The following FTO variants were observed in gnomAD, a reference collection of about 807,000 sequenced individuals.
FTO encodes the protein FTO alpha-ketoglutarate dependent dioxygenase.
A neutral mutation model predicts 63.9 loss-of-function variants in FTO; 47 were observed. That is an observed-to-expected ratio of 0.74 (90% confidence interval 0.58 to 0.94). The LOEUF (loss-of-function observed/expected upper bound fraction) is 0.94, where lower values mean the gene tolerates loss of function less well. FTO is among the 40% of genes least tolerant of loss of function. The pLI is 0.00. For missense variants in FTO, 562 were observed against 618.1 expected (o/e 0.91, Z 0.96); for synonymous variants, 207 against 224.4 (o/e 0.92, Z 0.69).
chr16:53,876,511 G>C (rs1015210254), intron 5 of FTO, among the ~76,000 whole-genome samples: 1 of 152,180 alleles, frequency 6.6e-6, no homozygotes, highest in African/African-American at 2.4e-5. Context: ...CATGGAATGG[G>C]AGAAAATATC....
At chr16:54,049,220 C>G (rs2085257582) in intron 8 of FTO, among the ~76,000 whole-genome samples, 1 of 152,224 alleles carries the variant, frequency 6.6e-6, no homozygotes, top group African/African-American at 2.4e-5. Flanking sequence ...CTTAATTACG[C>G]ACTTAACTCA....
At chr16:53,902,372 GCCAGATAATATAGAACC>G (rs2081425132) in intron 7 of FTO, among the ~76,000 whole-genome samples, 1 of 152,120 alleles carries the variant, frequency 6.6e-6, no homozygotes, top group African/African-American at 2.4e-5. Flanking sequence ...AGGGCATAGA[GCCAGATAATATAGAACC>G]CCAGATTTCC....
At chr16:53,773,437 A>T (rs2077388526) in intron 1 of FTO, among the ~76,000 whole-genome samples, 1 of 152,114 alleles carries the variant, frequency 6.6e-6, no homozygotes, top group South Asian at 2.1e-4. Context: ...TTTTATTGGT[A>T]CAGGGCATAG....
intron 8 of FTO, among the ~76,000 whole-genome samples, chr16:54,103,776 T>C (rs557500161): frequency 1.3e-5 from 2 of 152,328 alleles, no homozygotes; most frequent in East Asian, 1.9e-4. Flanking sequence ...TACAAATTCA[T>C]TGACTTGTTC....
chr16:53,832,630 G>A (rs200656034), intron 3 of FTO, among the ~76,000 whole-genome samples: 17 of 152,092 alleles, frequency 1.1e-4, no homozygotes, highest in African/African-American at 3.6e-4. Context: ...ATATGTGCAC[G>A]GTTTTTTTGT....
At chr16:53,851,866 T>G (rs12448833) in intron 4 of FTO, among the ~76,000 whole-genome samples, 38,551 of 151,818 alleles carry the variant, frequency 0.25, 5,601 homozygotes, top group East Asian at 0.38. Flanking sequence ...AAACTCCACC[T>G]ATCCCCAAGT....
At chr16:53,795,927 A>G (rs1163992756) in intron 1 of FTO, among the ~76,000 whole-genome samples, 2 of 151,930 alleles carry the variant, frequency 1.3e-5, no homozygotes, top group Non-Finnish European at 2.9e-5. Flanking sequence ...TTTCAGATAT[A>G]AAGAAAGACC....
chr16:54,000,458 C>T (rs1371402165), intron 8 of FTO, among the ~76,000 whole-genome samples: 4 of 152,114 alleles, frequency 2.6e-5, no homozygotes, highest in African/African-American at 4.8e-5. Context: ...GACTGCTAAG[C>T]GGGGGACATT....
intron 3 of FTO, among the ~76,000 whole-genome samples, chr16:53,832,717 A>G (rs1227651482): frequency 1.3e-5 from 2 of 152,138 alleles, no homozygotes; most frequent in Admixed American, 6.5e-5. Flanking sequence ...ATTCCCTTGT[A>G]TCCTTTTTTA....
intron 1 of FTO, among the ~76,000 whole-genome samples, chr16:53,774,764 C>T (rs1460629206): frequency 6.6e-6 from 1 of 152,032 alleles, no homozygotes; most frequent in Non-Finnish European, 1.5e-5. Context: ...CCAGGGTAGC[C>T]GCTCATCTGT....
chr16:53,911,026 G>A (rs141536530), intron 7 of FTO, among the ~76,000 whole-genome samples: 2 of 152,358 alleles, frequency 1.3e-5, no homozygotes, highest in East Asian at 1.9e-4. Flanking sequence ...CCGGTATACC[G>A]AACATCTCAG....
chr16:53,836,264 ATCTG>A (rs1195913105), intron 3 of FTO, among the ~76,000 whole-genome samples: 6 of 152,166 alleles, frequency 3.9e-5, no homozygotes, highest in Non-Finnish European at 8.8e-5. Flanking sequence ...CTGTAAACAT[ATCTG>A]TGTACCTAGC....
intron 6 of FTO, among the ~76,000 whole-genome samples, chr16:53,888,081 G>T (rs1312897607): frequency 6.6e-6 from 1 of 151,978 alleles, no homozygotes; most frequent in Non-Finnish European, 1.5e-5. Flanking sequence ...TTTATAATTA[G>T]GATCTCAGTA....
intron 1 of FTO, among the ~76,000 whole-genome samples, chr16:53,785,761 T>G: frequency 6.6e-6 from 1 of 151,650 alleles, no homozygotes; most frequent in Non-Finnish European, 1.5e-5. Context: ...AATACAAAAA[T>G]TAGCTGGGCG....
intron 6 of FTO, among the ~76,000 whole-genome samples, chr16:53,882,545 G>T (rs1049820310): frequency 6.6e-6 from 1 of 152,176 alleles, no homozygotes; most frequent in South Asian, 2.1e-4. Context: ...GCTGTGTGGT[G>T]GGGGAATGCC....
chr16:53,763,487 G>T lies in FTO; in HGVS notation c.46-46653G>T, dbSNP rs181253112. On this transcript the variant is annotated intron_variant, in intron 1 of 8. Coordinates refer to ENST00000471389, the MANE Select transcript of FTO (RefSeq NM_001080432.3). ...AATCAAATTATGTATTAATAAGGAG[G>T]CTCAGATTGACCATAGACATTGGCC... is the stretch of plus-strand genomic sequence containing the variant. Among the ~76,000 whole-genome samples the T allele has an allele frequency of 4.5e-4, 69 of 152,214 alleles. No homozygotes were observed. The East Asian group carries it at 0.011, about 23-fold the overall frequency.
intron 8 of FTO, among the ~76,000 whole-genome samples, chr16:53,952,663 C>A (rs1365184615): frequency 6.6e-6 from 1 of 152,162 alleles, no homozygotes; most frequent in East Asian, 1.9e-4. Context: ...GCAGAAGAGA[C>A]AGAGTTAACC....
At chr16:53,931,180 G>A (rs1026607023) in intron 7 of FTO, among the ~76,000 whole-genome samples, 1 of 152,088 alleles carries the variant, frequency 6.6e-6, no homozygotes, top group South Asian at 2.1e-4. Flanking sequence ...TCACAGGGGG[G>A]AAAAATTTTG....
At chr16:53,756,471 T>C (rs1194832946) in intron 1 of FTO, among the ~76,000 whole-genome samples, 1 of 152,224 alleles carries the variant, frequency 6.6e-6, no homozygotes, top group Non-Finnish European at 1.5e-5. Context: ...GTTTATATTT[T>C]GCCTGACTCT....
Sources: allele counts gnomAD v4.1 joint callset (sites outside exome capture counted in the v4.1 genomes callset), GRCh38; gene constraint gnomAD v4.1.1; transcripts MANE v1.5; gene names NCBI Gene and HGNC (gene_info 2026-07-23, HGNC 2026-07-21).